Variants in CEP57L1 observed in about 807,000 individuals in gnomAD.
CEP57L1 encodes centrosomal protein CEP57L1.
CEP57L1 carries 37 observed loss-of-function variants against 61.0 expected under a neutral mutation model. The ratio of observed to expected loss-of-function variants is 0.61; its 90% CI spans 0.47 to 0.80. The LOEUF (loss-of-function observed/expected upper bound fraction) is 0.80, where lower values mean the gene tolerates loss of function less well. Ranked by LOEUF, CEP57L1 falls within the 30% of genes least tolerant of loss-of-function variation. The probability of loss-of-function intolerance (pLI) is 0.00; values close to 1 mark genes in which losing one functional copy is unlikely to be tolerated. For synonymous variants in CEP57L1, 137 were observed against 162.3 expected (o/e 0.84, Z 1.19); for missense variants, 422 against 524.7 (o/e 0.80, Z 1.91).
rs1442928498 is a variant in CEP57L1, at chr6:109,167,538, G to T, written c.*4568G>T. 6.6e-6 allele frequency among the ~76,000 whole-genome samples: 1 copy of T among 152,054 alleles called. No homozygotes were observed. Among genetic ancestry groups the T allele is most frequent in the Non-Finnish European group, 1.5e-5 (1 of 68,022 alleles). On this transcript the variant is annotated 3_prime_UTR_variant, in exon 11 of 11. Transcript: ENST00000517392. ...CTCTACTAAAAATAAAAAAAAATTA[G>T]CTGGGTGTGGTAGCATGCAGTCCAG...
chr6:109,153,982 T>C, intron 5 of CEP57L1, 33 bp downstream of exon 5: 1 of 1,115,388 alleles, frequency 9.0e-7, no homozygotes, highest in Non-Finnish European at 1.3e-6. Flanking sequence ...ACAACAGGAA[T>C]GAATCTTTAG....
intron 1 of CEP57L1, among the ~76,000 whole-genome samples, chr6:109,144,173 A>G (rs1771717307): frequency 6.6e-6 from 1 of 152,216 alleles, no homozygotes; most frequent in South Asian, 2.1e-4. Flanking sequence ...GAGATTGCCA[A>G]TCATGGCAAT....
chr6:109,149,804 G>A (rs543124022), intron 3 of CEP57L1, among the ~76,000 whole-genome samples: 201 of 152,228 alleles, frequency 1.3e-3, no homozygotes, highest in African/African-American at 4.6e-3. Flanking sequence ...TTGAGCAGTG[G>A]TTTGTAGTTC....
At chr6:109,109,537 A>AGT (rs1771326960) in intron 1 of CEP57L1, among the ~76,000 whole-genome samples, 1 of 152,000 alleles carries the variant, frequency 6.6e-6, no homozygotes, top group Non-Finnish European at 1.5e-5. Flanking sequence ...TAGAATGAAA[A>AGT]GTATATATAT....
At chr6:109,134,913 A>G (rs1774659980) in intron 1 of CEP57L1, among the ~76,000 whole-genome samples, 1 of 152,248 alleles carries the variant, frequency 6.6e-6, no homozygotes, top group Non-Finnish European at 1.5e-5. Context: ...GGAATTAAAG[A>G]GGATACAAAC....
rs1774214128 is a variant in CEP57L1 at position 109,168,009 on chromosome 6, A to G, written c.*5039A>G. On this transcript the variant is annotated 3_prime_UTR_variant, in exon 11 of 11. Transcript: ENST00000517392. ...GGAAGAAAACAGTAAGTGACATGAA[A>G]GGCATAATGACAACCACAGAGCAGA... Among the ~76,000 whole-genome samples, 1 of 152,262 alleles carries G rather than the reference A, an allele frequency of 6.6e-6. No homozygotes were observed. Among genetic ancestry groups the G allele is most frequent in the Non-Finnish European group, 1.5e-5 (1 of 68,050 alleles).
At chr6:109,148,434 C>A (rs1292361352) in intron 3 of CEP57L1, among the ~76,000 whole-genome samples, 3 of 152,172 alleles carry the variant, frequency 2.0e-5, no homozygotes, top group Non-Finnish European at 2.9e-5. Context: ...CATGTCCCTA[C>A]AAAGGACATG....
In CEP57L1 at chr6:109,173,361, A is replaced by G. The variant is rs1774487755; in HGVS notation, c.*10391A>G. 6.6e-6 allele frequency among the ~76,000 whole-genome samples: 1 copy of G among 151,164 alleles called. No individual in the cohort carries two copies. The highest frequency in any genetic ancestry group is 6.6e-5 in the Admixed American group (1 of 15,196). On this transcript the variant is annotated 3_prime_UTR_variant, in exon 11 of 11. Transcript: ENST00000517392. The stretch of plus-strand genomic sequence containing the variant: ...GTTTATTCAAGGGTGGCCTATTGAG[A>G]GTTTGAGATAAAGAAGAAAGGAATC...
chr6:109,152,598 T>C (rs1772739165), intron 4 of CEP57L1, among the ~76,000 whole-genome samples: 1 of 152,022 alleles, frequency 6.6e-6, no homozygotes, highest in Admixed American at 6.6e-5. Flanking sequence ...TTGGTATGGT[T>C]ATAAATGCCA....
intron 1 of CEP57L1, among the ~76,000 whole-genome samples, chr6:109,119,017 C>CA (rs1358379904): frequency 6.6e-6 from 1 of 152,116 alleles, no homozygotes; most frequent in Non-Finnish European, 1.5e-5. Flanking sequence ...AGCCCAGCCT[C>CA]AGGAAGCCAG....
chr6:109,122,167 T>G (rs1205735136), intron 1 of CEP57L1, among the ~76,000 whole-genome samples: 1 of 152,250 alleles, frequency 6.6e-6, no homozygotes, highest in Non-Finnish European at 1.5e-5. Context: ...TTAAATTCTC[T>G]GCCTGAAAGA....
At chr6:109,152,673 GTGTGTGTA>G (rs1186511279) in intron 4 of CEP57L1, among the ~76,000 whole-genome samples, 2 of 84,540 alleles carry the variant, frequency 2.4e-5, no homozygotes, top group Non-Finnish European at 2.6e-5. Context: ...GTGTGTGTGT[GTGTGTGTA>G]TAACTTTCCT....
chr6:109,161,285 T>C (rs1328761539), intron 10 of CEP57L1, among the ~76,000 whole-genome samples: 2 of 152,160 alleles, frequency 1.3e-5, no homozygotes, highest in Non-Finnish European at 2.9e-5. Context: ...TAAGAATAGC[T>C]AACAGTTTTC....
rs549807506 is a variant in CEP57L1 at position 109,167,636 on chromosome 6, C to T, written c.*4666C>T. 3.3e-4 allele frequency among the ~76,000 whole-genome samples: 50 copies of T among 151,238 alleles called. No homozygotes were observed. The highest frequency in any genetic ancestry group is 8.3e-4 in the South Asian group (4 of 4,810). On this transcript the variant is annotated 3_prime_UTR_variant, in exon 11 of 11. Transcript: ENST00000517392. Reference sequence around the variant, plus strand: ...AGGTTGCGGTGAGCCGAGATTGTGCCACTGCACTCCAGCCTGGGCAACAGA... The same window carrying T: ...AGGTTGCGGTGAGCCGAGATTGTGCTACTGCACTCCAGCCTGGGCAACAGA...
At chr6:109,132,355 A>G (rs981783017) in intron 1 of CEP57L1, among the ~76,000 whole-genome samples, 7 of 152,318 alleles carry the variant, frequency 4.6e-5, no homozygotes, top group Admixed American at 4.6e-4. Flanking sequence ...AGCAGCAACA[A>G]TAACAAAAAA....
At chr6:109,115,344 T>C (rs1237491016) in intron 1 of CEP57L1, among the ~76,000 whole-genome samples, 1 of 152,168 alleles carries the variant, frequency 6.6e-6, no homozygotes, top group Non-Finnish European at 1.5e-5. Flanking sequence ...CACACTACTC[T>C]ATTTGTAGGG....
At chr6:109,137,723 A>C (rs1012855981) in intron 1 of CEP57L1, among the ~76,000 whole-genome samples, 1 of 152,364 alleles carries the variant, frequency 6.6e-6, no homozygotes, top group Non-Finnish European at 1.5e-5. Flanking sequence ...TGTGCCAGGT[A>C]CAATTCTAGG....
rs1183964138 is a variant in CEP57L1, at chr6:109,174,262, G to C, written c.*11292G>C. On this transcript the variant is annotated 3_prime_UTR_variant, in exon 11 of 11. Coordinates refer to ENST00000517392, the MANE Select transcript of CEP57L1 (RefSeq NM_001271852.3). ...GCACTGAGAACTTTTCAGATTTCTT[G>C]CAGAGGTCATAATGTTCCAGACAAG... is the stretch of plus-strand genomic sequence containing the variant. 2.0e-5 allele frequency among the ~76,000 whole-genome samples: 3 copies of C among 152,148 alleles called. No individual in the cohort carries two copies. Among genetic ancestry groups the C allele is most frequent in the Non-Finnish European group, 2.9e-5 (2 of 68,026 alleles).
Position 109,136,308 on chromosome 6 carries a change from C to T in CEP57L1, c.-3-8911C>T, listed in dbSNP as rs561274232. Among the ~76,000 whole-genome samples the T allele has an allele frequency of 8.3e-3, 1,270 of 152,138 alleles. 22 individuals carry two copies. The highest frequency in any genetic ancestry group is 0.029 in the African/African-American group (1,203 of 41,502). On this transcript the variant is annotated intron_variant, in intron 1 of 10. Transcript: ENST00000517392. ...GAAACCATCATTCTCAGCAAACTAT[C>T]GCAAGGACAAAAAACCAAAGACCGC... is the stretch of plus-strand genomic sequence containing the variant.
Sources: allele counts gnomAD v4.1 joint callset (sites outside exome capture counted in the v4.1 genomes callset), GRCh38; gene constraint gnomAD v4.1.1; transcripts MANE v1.5; gene names NCBI Gene and HGNC (gene_info 2026-07-23, HGNC 2026-07-21).